The following SULF2 variants were observed in gnomAD, a reference collection of about 807,000 sequenced individuals.
SULF2 encodes the protein extracellular sulfatase Sulf-2.
A neutral mutation model predicts 107.7 loss-of-function variants in SULF2; 52 were observed. The ratio of observed to expected loss-of-function variants is 0.48; its 90% CI spans 0.39 to 0.61. The LOEUF is 0.61. Ranked by LOEUF, SULF2 falls within the 20% of genes least tolerant of loss-of-function variation. SULF2 has a pLI of 0.00. For synonymous variants in SULF2, 460 were observed against 464.3 expected (o/e 0.99, Z 0.12); for missense variants, 993 against 1,177.3 (o/e 0.84, Z 2.29).
intron 3 of SULF2, among the ~76,000 whole-genome samples, chr20:47,725,712 AC>A (rs150643260): frequency 6.6e-6 from 1 of 151,280 alleles, no homozygotes; most frequent in African/African-American, 2.4e-5. Context: ...AAATCTGGGC[AC>A]CCCCTCCCCA....
chr20:47,701,578 G>C (rs1239116254), intron 4 of SULF2, among the ~76,000 whole-genome samples: 1 of 152,154 alleles, frequency 6.6e-6, no homozygotes, highest in Non-Finnish European at 1.5e-5. Context: ...GTGAGGAACG[G>C]GTATAACAGA....
rs575572364 is a variant in SULF2 at position 47,674,585 on chromosome 20, T to C, written c.1380+1909A>G. On this transcript the variant is annotated intron_variant, in intron 10 of 20. Coordinates refer to ENST00000688720, the MANE Select transcript of SULF2 (RefSeq NM_001387048.1). ...GCTTTGGCAATGATGACATGAATTC[T>C]AGCCGGGCCCTGCCCTTAGGATGTC... Among the ~76,000 whole-genome samples, 4 of 152,332 alleles carry C rather than the reference T, an allele frequency of 2.6e-5. No individual in the cohort carries two copies. In the South Asian group the frequency reaches 8.3e-4, roughly 32 times the overall value.
At chr20:47,720,414 C>T (rs913077753) in intron 3 of SULF2, among the ~76,000 whole-genome samples, 1 of 152,002 alleles carries the variant, frequency 6.6e-6, no homozygotes, top group Non-Finnish European at 1.5e-5. Flanking sequence ...CACCACCACG[C>T]CCGGCTAATT....
At chr20:47,748,295 T>C (rs908353127) in intron 2 of SULF2, among the ~76,000 whole-genome samples, 1 of 152,210 alleles carries the variant, frequency 6.6e-6, no homozygotes, top group African/African-American at 2.4e-5. Context: ...CTGCCTGCAG[T>C]GCTCCTGCCT....
chr20:47,659,504 A>AAAAAGTCCC, intron 19 of SULF2, 52 bp from the exon 20 acceptor site: 1 of 1,585,868 alleles, frequency 6.3e-7, no homozygotes, highest in Non-Finnish European at 8.6e-7. Flanking sequence ...ACCAAGAAAG[A>AAAAAGTCCC]AAAAGTCCCC....
At chr20:47,783,301 G>A (rs1600705572) in intron 1 of SULF2, among the ~76,000 whole-genome samples, 1 of 152,206 alleles carries the variant, frequency 6.6e-6, no homozygotes, top group East Asian at 1.9e-4. Context: ...AAAGTCTAAG[G>A]TCAGATAATG....
chr20:47,780,745 G>A (rs2090817464), intron 1 of SULF2, among the ~76,000 whole-genome samples: 1 of 152,000 alleles, frequency 6.6e-6, no homozygotes, highest in African/African-American at 2.4e-5. Flanking sequence ...GTAGAGAGAG[G>A]GTTTTGCCAT....
At position 47,683,114 on chromosome 20, in the gene SULF2, G is replaced by A; in HGVS notation, c.944C>T (p.Thr315Ile). ...GCCGATGTGGTAACCGTGGTCGGCG[G>A]TGTATACGATGTACGTGTTGTCCAG... Reference protein sequence around the residue: ...GELDNTYIVYTADHGYHIGQF... With the variant: ...GELDNTYIVYIADHGYHIGQF... Residue 315 changes from threonine to isoleucine, a missense_variant, in exon 7 of 21, where the codon ACC (threonine) becomes ATC (isoleucine). This residue lies in a region of SULF2 where 388 missense variants were observed against 449.2 expected (regional missense o/e 0.86). Coordinates refer to ENST00000688720, the MANE Select transcript of SULF2 (RefSeq NM_001387048.1). The A allele has an allele frequency of 1.2e-6, 2 of 1,613,566 alleles. No homozygotes were observed. The highest frequency in any genetic ancestry group is 1.7e-6 in the Non-Finnish European group (2 of 1,179,842).
At chr20:47,771,785 T>C (rs1219966420) in intron 1 of SULF2, among the ~76,000 whole-genome samples, 3 of 152,130 alleles carry the variant, frequency 2.0e-5, no homozygotes, top group African/African-American at 7.2e-5. Context: ...GGGGCCAAGC[T>C]TGGAAGGATG....
chr20:47,666,275 A>G lies in SULF2; in HGVS notation c.1790T>C (p.Ile597Thr), dbSNP rs1175655726. The part of the protein sequence containing the change: ...GLPDYSAANP[I>T]KVTHRCYILE... ...GGACACTCACCGATGTGTCACTTTA[A>G]TGGGGTTGGCGGCTGAGTAGTCGGG... is the stretch of plus-strand genomic sequence containing the variant. Residue 597 changes from isoleucine (I) to threonine (T), a missense_variant, in exon 12 of 21, where the codon ATT becomes ACT. By Grantham distance (89) the Ile-to-Thr change is moderately conservative. This residue lies in a region of SULF2 where 497 missense variants were observed against 544.1 expected (regional missense o/e 0.91). Transcript: ENST00000688720. The surrounding 1 kb of genome is among the most constrained non-coding windows in gnomAD (Gnocchi z 5.4). 6.2e-7 allele frequency: 1 copy of G among 1,613,458 alleles called. No homozygotes were observed. Among genetic ancestry groups the G allele is most frequent in the Non-Finnish European group, 8.5e-7 (1 of 1,179,888 alleles).
At chr20:47,764,416 G>A (rs895330276) in intron 1 of SULF2, among the ~76,000 whole-genome samples, 1 of 152,206 alleles carries the variant, frequency 6.6e-6, no homozygotes, top group Non-Finnish European at 1.5e-5. Flanking sequence ...CCCTGTTAGT[G>A]CTTTGAGGCC....
chr20:47,731,187 C>CTTTTTTTTTTTTTT (rs71183273), intron 3 of SULF2, among the ~76,000 whole-genome samples: 3 of 81,180 alleles, frequency 3.7e-5, no homozygotes, highest in Non-Finnish European at 6.6e-5. Context: ...TGTATCTTCT[C>CTTTTTTTTTTTTTT]TTTTTTTTTT....
chr20:47,697,313 CTG>C (rs2088413332), intron 4 of SULF2, among the ~76,000 whole-genome samples: 1 of 152,214 alleles, frequency 6.6e-6, no homozygotes, highest in South Asian at 2.1e-4. Flanking sequence ...ATGTGCCCAT[CTG>C]TGGATTAGTG....
rs544088201 is a variant in SULF2 at position 47,677,434 on chromosome 20, G to A, written c.1194-300C>T. Among the ~76,000 whole-genome samples the A allele has an allele frequency of 4.4e-4, 64 of 144,032 alleles. 1 individual carries two copies. The highest frequency in any genetic ancestry group is 1.8e-3 in the East Asian group (9 of 4,882). 94.5% of individuals were successfully genotyped at this position (144,032 alleles called of 152,430 possible). ...TGTGTGTGTGTGTGTGTGTGTGCGC[G>A]CACACACATCTCAAGCCCCTCCCAG... On this transcript the variant is annotated intron_variant, in intron 8 of 20. Coordinates refer to ENST00000688720, the MANE Select transcript of SULF2 (RefSeq NM_001387048.1).
intron 3 of SULF2, among the ~76,000 whole-genome samples, chr20:47,718,384 A>G (rs1024890718): frequency 6.6e-6 from 1 of 152,192 alleles, no homozygotes. Context: ...CAATCAGTAA[A>G]CATTAAAGGA....
Position 47,663,173 on chromosome 20 carries a change from G to A in SULF2, c.2267C>T (p.Thr756Met), listed in dbSNP as rs1464023712. The A allele has an allele frequency of 9.9e-6, 16 of 1,614,052 alleles. No individual in the cohort carries two copies. Among genetic ancestry groups the A allele is most frequent in the African/African-American group, 1.3e-5 (1 of 74,928 alleles). The change falls in exon 17 of 21, where the codon ACG (threonine) becomes ATG (methionine). Residue 756 changes from threonine to methionine, a missense_variant. By Grantham distance (81) the Thr-to-Met change is moderately conservative. Around this residue, in one of 3 missense-constraint regions of SULF2, gnomAD observed 497 missense variants for 544.1 expected, o/e 0.91. Transcript: ENST00000688720. ...ATTGATGGTCCTCATGCACCAGTAC[G>A]TGTTATTGTTGGCGCTGGTGCAGGC... ...FCACTSANNN[T>M]YWCMRTINET...
chr20:47,728,827 G>T (rs1425181383), intron 3 of SULF2, among the ~76,000 whole-genome samples: 1 of 152,098 alleles, frequency 6.6e-6, no homozygotes, highest in African/African-American at 2.4e-5. Context: ...TGTATTTTTA[G>T]TAGAGATGGG....
At chr20:47,721,179 G>A (rs1417621798) in intron 3 of SULF2, among the ~76,000 whole-genome samples, 4 of 151,946 alleles carry the variant, frequency 2.6e-5, no homozygotes, top group Non-Finnish European at 2.9e-5. Flanking sequence ...ATCACTGCAC[G>A]AAGTGATAAA....
chr20:47,773,797 A>G (rs1387374716), intron 1 of SULF2, among the ~76,000 whole-genome samples: 1 of 152,162 alleles, frequency 6.6e-6, no homozygotes, highest in African/African-American at 2.4e-5. Context: ...GGGACTGACA[A>G]TTCCACCTTT....
Sources: allele counts gnomAD v4.1 joint callset (sites outside exome capture counted in the v4.1 genomes callset), GRCh38; gene constraint gnomAD v4.1.1; regional missense constraint gnomAD v4.1.1; non-coding constraint Gnocchi (gnomAD v3.1); transcripts MANE v1.5; gene names NCBI Gene and HGNC (gene_info 2026-07-23, HGNC 2026-07-21).